KCMF1: variants seen among roughly 807,000 people sequenced by gnomAD.
KCMF1 encodes E3 ubiquitin-protein ligase KCMF1.
In KCMF1, 3 loss-of-function variants were observed where a neutral mutation model predicts 41.1. The ratio of observed to expected loss-of-function variants is 0.07; its 90% confidence interval spans 0.03 to 0.19. The LOEUF is 0.19. Among genes scored for constraint, KCMF1 ranks in the 10% least tolerant of loss-of-function variants. KCMF1 has a pLI of 1.00. For missense variants in KCMF1, 286 were observed against 488.9 expected (o/e 0.58, Z 3.91); for synonymous variants, 142 against 164.5 (o/e 0.86, Z 1.04).
intron 2 of KCMF1, among the ~76,000 whole-genome samples, chr2:85,034,479 TAAATG>T (rs1442377581): frequency 6.6e-6 from 1 of 152,168 alleles, no homozygotes; most frequent in African/African-American, 2.4e-5. Flanking sequence ...ATGTTTCAAA[TAAATG>T]AAGGAGGATG....
chr2:85,002,609 A>G (rs1294362172), intron 1 of KCMF1, among the ~76,000 whole-genome samples: 2 of 145,136 alleles, frequency 1.4e-5, no homozygotes, highest in Non-Finnish European at 3.0e-5. Flanking sequence ...TGAGGTCTTA[A>G]CTGTGTTTTT....
rs537409506 is a variant in KCMF1 at position 85,003,348 on chromosome 2, G to C, written c.17-24541G>C. ...AAAAAATTAGCCAGGCGTGGTGGCG[G>C]GCACCTGTAGTCCTAGCTACTCGGG... On this transcript the variant is annotated intron_variant, in intron 1 of 6. Coordinates refer to ENST00000409785, the MANE Select transcript of KCMF1 (RefSeq NM_020122.5). Among the ~76,000 whole-genome samples, 11 of 152,112 alleles carry C rather than the reference G, an allele frequency of 7.2e-5. No individual in the cohort carries two copies. The South Asian group carries it at 1.5e-3, about 20-fold the overall frequency.
intron 1 of KCMF1, among the ~76,000 whole-genome samples, chr2:84,987,777 A>G (rs1283467636): frequency 6.6e-6 from 1 of 152,242 alleles, no homozygotes; most frequent in African/African-American, 2.4e-5. Context: ...AAGTATGTTC[A>G]TATTTAGAAG....
At chr2:85,020,719 A>C (rs1674911079) in intron 1 of KCMF1, among the ~76,000 whole-genome samples, 1 of 152,192 alleles carries the variant, frequency 6.6e-6, no homozygotes, top group African/African-American at 2.4e-5. Context: ...GGCCTGAGCC[A>C]CTGCGCCTGA....
At chr2:85,008,374 T>C (rs1255939675) in intron 1 of KCMF1, among the ~76,000 whole-genome samples, 1 of 29,436 alleles carries the variant, frequency 3.4e-5, no homozygotes, top group African/African-American at 9.6e-5. Context: ...ATATATCATA[T>C]GATATATTAT....
intron 1 of KCMF1, among the ~76,000 whole-genome samples, chr2:85,016,545 G>C (rs903820557): frequency 1.3e-5 from 2 of 151,926 alleles, no homozygotes; most frequent in African/African-American, 4.8e-5. Flanking sequence ...TCCTGATCTA[G>C]GCTCCCAGTT....
At chr2:85,008,413 A>G (rs1272801451) in intron 1 of KCMF1, among the ~76,000 whole-genome samples, 3 of 124,330 alleles carry the variant, frequency 2.4e-5, no homozygotes, top group East Asian at 4.5e-4. Context: ...ATCATATTAT[A>G]TATTATGTGA....
At chr2:84,973,972 C>T (rs1269298458) in intron 1 of KCMF1, among the ~76,000 whole-genome samples, 1 of 151,836 alleles carries the variant, frequency 6.6e-6, no homozygotes, top group Non-Finnish European at 1.5e-5. Flanking sequence ...GGATTACAGG[C>T]GCCTGCCACC....
intron 1 of KCMF1, among the ~76,000 whole-genome samples, chr2:84,983,308 AT>A (rs1673811022): frequency 1.3e-5 from 2 of 152,014 alleles, no homozygotes; most frequent in Admixed American, 1.3e-4. Flanking sequence ...ATATATTTAC[AT>A]TTTTTTCTTA....
intron 1 of KCMF1, among the ~76,000 whole-genome samples, chr2:84,998,769 A>ATT (rs113414718): frequency 5.8e-5 from 8 of 138,684 alleles, no homozygotes; most frequent in Non-Finnish European, 1.3e-4. Context: ...CGCCCAATTA[A>ATT]TTTTTTTTTT....
At position 85,053,468 on chromosome 2, in the gene KCMF1, A is replaced by G; in HGVS notation, c.*59A>G. The G allele has an allele frequency of 6.6e-7, 1 of 1,510,312 alleles. No individual in the cohort carries two copies. The highest frequency in any genetic ancestry group is 8.9e-7 in the Non-Finnish European group (1 of 1,119,956). 93.6% of individuals were successfully genotyped at this position (1,510,312 alleles called of 1,614,324 possible). A position where few individuals can be genotyped will look rare whatever the true frequency, so the allele number is the denominator to read the frequency against. On this transcript the variant is annotated 3_prime_UTR_variant, in exon 7 of 7. Coordinates refer to ENST00000409785, the MANE Select transcript of KCMF1 (RefSeq NM_020122.5). The stretch of plus-strand genomic sequence containing the variant: ...CTGTATTTGCCAATGAAAGTGGACA[A>G]CAACTATCTTGGGTTTGTTTGGTGA...
chr2:85,008,472 A>G (rs1425295720), intron 1 of KCMF1, among the ~76,000 whole-genome samples: 2 of 131,860 alleles, frequency 1.5e-5, no homozygotes, highest in Non-Finnish European at 3.3e-5. Context: ...TACATGATAT[A>G]TATCTCATAT....
chr2:84,993,271 A>G (rs578122300), intron 1 of KCMF1, among the ~76,000 whole-genome samples: 1 of 152,244 alleles, frequency 6.6e-6, no homozygotes, highest in South Asian at 2.1e-4. Flanking sequence ...ATTAGGGAGT[A>G]TCAGACAAGA....
intron 1 of KCMF1, among the ~76,000 whole-genome samples, chr2:85,011,922 TGA>T (rs1360942618): frequency 1.3e-5 from 2 of 152,198 alleles, no homozygotes; most frequent in Non-Finnish European, 2.9e-5. Context: ...TAGTTAGAAC[TGA>T]GAGTGTCTCC....
chr2:85,036,614 T>C (rs1675408790), intron 3 of KCMF1, among the ~76,000 whole-genome samples: 1 of 151,930 alleles, frequency 6.6e-6, no homozygotes, highest in Non-Finnish European at 1.5e-5. Context: ...GACAACAAAG[T>C]GGGGCCTTGT....
At position 85,047,666 on chromosome 2, in the gene KCMF1, G is replaced by T. The variant is rs192003628; in HGVS notation, c.601+1388G>T. On this transcript the variant is annotated intron_variant, in intron 5 of 6. Transcript: ENST00000409785. ...TGAGTCTAGTACATGACAAACCTAGGAAGTTGGTAGCAGAACACAGGGTCA... is the reference window on the plus strand; with the variant it reads ...TGAGTCTAGTACATGACAAACCTAGTAAGTTGGTAGCAGAACACAGGGTCA... Among the ~76,000 whole-genome samples, 3 of 150,844 alleles carry T rather than the reference G, an allele frequency of 2.0e-5. No individual in the cohort carries two copies. In the East Asian group the frequency reaches 5.8e-4, roughly 29 times the overall value.
At chr2:84,980,583 T>C (rs1400157840) in intron 1 of KCMF1, among the ~76,000 whole-genome samples, 2 of 152,144 alleles carry the variant, frequency 1.3e-5, no homozygotes, top group Non-Finnish European at 2.9e-5. Flanking sequence ...CTCTGAGTTG[T>C]AGCAAAGTAG....
chr2:85,016,723 C>T (rs538227897), intron 1 of KCMF1, among the ~76,000 whole-genome samples: 5 of 148,756 alleles, frequency 3.4e-5, no homozygotes, highest in African/African-American at 4.9e-5. Flanking sequence ...GACAGAGTCT[C>T]GCTTTTTCAC....
At chr2:85,000,651 T>C (rs528787386) in intron 1 of KCMF1, among the ~76,000 whole-genome samples, 1 of 152,244 alleles carries the variant, frequency 6.6e-6, no homozygotes, top group East Asian at 1.9e-4. Context: ...AAATCCTAAA[T>C]GAAGCAAAAC....
Sources: gnomAD v4.1 joint callset for allele counts (sites outside exome capture counted in the v4.1 genomes callset) on GRCh38, gnomAD v4.1.1 for gene constraint, MANE v1.5 for transcripts, NCBI Gene and HGNC (gene_info 2026-07-23, HGNC 2026-07-21) for gene names.